Variants in LNP1 observed in about 807,000 individuals in gnomAD.
The protein encoded by LNP1 is leukemia NUP98 fusion partner 1.
In LNP1, 12 loss-of-function variants were observed where a neutral mutation model predicts 14.5. That is an observed-to-expected ratio of 0.83 (90% CI 0.53 to 1.34). The LOEUF (loss-of-function observed/expected upper bound fraction) is 1.34, where lower values mean the gene tolerates loss of function less well. Among genes scored for constraint, LNP1 ranks in the 40% most tolerant of loss-of-function variants. LNP1 has a pLI of 0.00. For synonymous variants in LNP1, 75 were observed against 71.4 expected (o/e 1.05, Z -0.26); for missense variants, 198 against 210.9 (o/e 0.94, Z 0.38).
In LNP1 at chr3:100,442,056, A is replaced by G. The variant is rs1707348757; in HGVS notation, c.157-9663A>G. On this transcript the variant is annotated intron_variant, in intron 2 of 3. Transcript: ENST00000383693. ...TTAGAAATTCTTTCTCCATATAGGA[A>G]TTACATGAATATTTACCCTTATATT... Among the ~76,000 whole-genome samples the G allele has an allele frequency of 2.6e-5, 4 of 152,200 alleles. No homozygotes were observed. In the South Asian group the frequency reaches 8.3e-4, roughly 32 times the overall value.
intron 3 of LNP1, 132 bp downstream of exon 3, chr3:100,452,081 G>A (rs1707465558): frequency 3.6e-6 from 2 of 552,894 alleles, no homozygotes; most frequent in Middle Eastern, 4.4e-4. Flanking sequence ...TTTGAAAAAT[G>A]ACATTCAGTT....
At chr3:100,440,102 T>C (rs1372290598) in intron 2 of LNP1, among the ~76,000 whole-genome samples, 1 of 152,224 alleles carries the variant, frequency 6.6e-6, no homozygotes, top group Non-Finnish European at 1.5e-5. Flanking sequence ...TGATTTTCCA[T>C]GGTCTTTCTT....
chr3:100,439,090 G>T (rs375515654), intron 2 of LNP1, among the ~76,000 whole-genome samples: 2 of 152,222 alleles, frequency 1.3e-5, no homozygotes, highest in East Asian at 1.9e-4. Flanking sequence ...AAACCTAACT[G>T]CTGTAAGGAG....
At chr3:100,445,572 G>A (rs57805073) in intron 2 of LNP1, among the ~76,000 whole-genome samples, 5,731 of 152,182 alleles carry the variant, frequency 0.038, 354 homozygotes, top group African/African-American at 0.13. Context: ...AGAGATACAC[G>A]ATGTAAGAAC....
At chr3:100,444,273 C>A (rs575013930) in intron 2 of LNP1, among the ~76,000 whole-genome samples, 95 of 152,222 alleles carry the variant, frequency 6.2e-4, no homozygotes, top group African/African-American at 2.0e-3. Flanking sequence ...CATAAAGACA[C>A]AATTGACAAG....
intron 2 of LNP1, among the ~76,000 whole-genome samples, chr3:100,433,394 G>T (rs1313590087): frequency 6.6e-6 from 1 of 152,166 alleles, no homozygotes; most frequent in African/African-American, 2.4e-5. Context: ...CAAAGGACAT[G>T]ATCTCATTCT....
At chr3:100,449,688 CTT>C (rs1345802977) in intron 2 of LNP1, among the ~76,000 whole-genome samples, 2 of 152,020 alleles carry the variant, frequency 1.3e-5, no homozygotes, top group Non-Finnish European at 2.9e-5. Context: ...ACATAAAGGC[CTT>C]TTAAATACAA....
intron 2 of LNP1, among the ~76,000 whole-genome samples, chr3:100,445,812 A>G (rs1707382252): frequency 6.6e-6 from 1 of 152,174 alleles, no homozygotes; most frequent in Non-Finnish European, 1.5e-5. Flanking sequence ...TTAACAGACA[A>G]ACAGAGAGAC....
rs1286844485 is a variant in LNP1 at position 100,451,865 on chromosome 3, A to G, written c.303A>G (p.Lys101=). 1 of 1,614,022 alleles carries G rather than the reference A, an allele frequency of 6.2e-7. No homozygotes were observed. Residue 101 remains lysine, a synonymous_variant, in exon 3 of 4, where the codon AAA becomes AAG. Coordinates refer to ENST00000383693, the MANE Select transcript of LNP1 (RefSeq NM_001085451.2). ...CATTCAAGGAGCCACTGGAATCAAA[A>G]GGAAGATCCCATTCCAAAATTGAGA... ...DGSFKEPLES[K]GRSHSKIEKF...
chr3:100,448,269 C>T (rs1707407168), intron 2 of LNP1, among the ~76,000 whole-genome samples: 1 of 152,132 alleles, frequency 6.6e-6, no homozygotes, highest in South Asian at 2.1e-4. Context: ...TTGGGAGAAA[C>T]TTAGTTTATA....
At chr3:100,414,872 G>A (rs936868737) in intron 1 of LNP1, among the ~76,000 whole-genome samples, 4 of 152,186 alleles carry the variant, frequency 2.6e-5, no homozygotes, top group African/African-American at 9.7e-5. Context: ...CAGCTAACCT[G>A]TGTTCAGAAT....
chr3:100,446,586 CA>C (rs1260773162), intron 2 of LNP1, among the ~76,000 whole-genome samples: 9 of 152,094 alleles, frequency 5.9e-5, no homozygotes, highest in Admixed American at 5.2e-4. Flanking sequence ...CAACAAAAGC[CA>C]AAATAGACAA....
chr3:100,427,365 T>C (rs1214945616), intron 1 of LNP1, among the ~76,000 whole-genome samples: 1 of 152,144 alleles, frequency 6.6e-6, no homozygotes, highest in Non-Finnish European at 1.5e-5. Context: ...TAGCTACCCG[T>C]GGCCAAAAGC....
At chr3:100,406,294 A>T (rs1293432827) in intron 1 of LNP1, among the ~76,000 whole-genome samples, 2 of 152,236 alleles carry the variant, frequency 1.3e-5, no homozygotes, top group East Asian at 1.9e-4. Flanking sequence ...TCAAGAAAAA[A>T]AAAACCTCTC....
At chr3:100,417,157 G>A (rs1364561597) in intron 1 of LNP1, among the ~76,000 whole-genome samples, 1 of 151,682 alleles carries the variant, frequency 6.6e-6, no homozygotes, top group Non-Finnish European at 1.5e-5. Flanking sequence ...AACATTGCTG[G>A]CAAAAAGTCT....
intron 1 of LNP1, among the ~76,000 whole-genome samples, chr3:100,406,372 C>T (rs1221983616): frequency 6.6e-6 from 1 of 151,918 alleles, no homozygotes; most frequent in African/African-American, 2.4e-5. Flanking sequence ...GTAAGCCCCA[C>T]GAGGACAGAA....
intron 2 of LNP1, among the ~76,000 whole-genome samples, chr3:100,444,047 G>A (rs1707367259): frequency 6.6e-6 from 1 of 152,204 alleles, no homozygotes; most frequent in Admixed American, 6.5e-5. Flanking sequence ...AATTAGTTTA[G>A]TTGATGAGTT....
chr3:100,414,162 G>A (rs1707057788), intron 1 of LNP1, among the ~76,000 whole-genome samples: 2 of 152,164 alleles, frequency 1.3e-5, no homozygotes, highest in Admixed American at 1.3e-4. Context: ...GAATTTGGAC[G>A]TGGCTCCTCT....
rs533631777 is a variant in LNP1 at position 100,403,345 on chromosome 3, A to G, written c.-34+906A>G. Among the ~76,000 whole-genome samples, 5 of 152,358 alleles carry G rather than the reference A, an allele frequency of 3.3e-5. No individual in the cohort carries two copies. In the East Asian group the frequency reaches 9.6e-4, roughly 29 times the overall value. On this transcript the variant is annotated intron_variant, in intron 1 of 3. Transcript: ENST00000383693. ...TAAAGTTCTGTATATGTGAACATAG[A>G]CATTATCTTTTTCTTGGTAGATTAG...
Sources: allele counts gnomAD v4.1 joint callset (sites outside exome capture counted in the v4.1 genomes callset), GRCh38; gene constraint gnomAD v4.1.1; transcripts MANE v1.5; gene names NCBI Gene and HGNC (gene_info 2026-07-23, HGNC 2026-07-21).